The following OSBPL8 variants were observed in gnomAD, a reference collection of about 807,000 sequenced individuals.
OSBPL8 encodes the protein oxysterol-binding protein-related protein 8.
OSBPL8 carries 59 observed loss-of-function variants against 125.5 expected under a neutral mutation model. That is an observed-to-expected ratio of 0.47 (90% confidence interval 0.38 to 0.58). The LOEUF is 0.58. Among genes scored for constraint, OSBPL8 ranks in the 20% least tolerant of loss-of-function variants. OSBPL8 has a pLI of 0.00. For synonymous variants in OSBPL8, 330 were observed against 338.9 expected, an observed-to-expected ratio of 0.97 and a Z score of 0.29; for missense variants, 758 against 1,047.8, an observed-to-expected ratio of 0.72 and a Z score of 3.82.
intron 1 of OSBPL8, among the ~76,000 whole-genome samples, chr12:76,497,419 A>G (rs17042320): frequency 0.045 from 6,842 of 152,276 alleles, 551 homozygotes; most frequent in African/African-American, 0.16. Flanking sequence ...CATCGCGTGT[A>G]AATAGCACAA....
At chr12:76,498,497 T>C (rs1879518472) in intron 1 of OSBPL8, among the ~76,000 whole-genome samples, 1 of 152,232 alleles carries the variant, frequency 6.6e-6, no homozygotes, top group Non-Finnish European at 1.5e-5. Context: ...TCATTTTTGC[T>C]ACCTGTCCAG....
At chr12:76,548,519 T>C (rs1243526981) in intron 1 of OSBPL8, among the ~76,000 whole-genome samples, 1 of 152,052 alleles carries the variant, frequency 6.6e-6, no homozygotes, top group Non-Finnish European at 1.5e-5. Context: ...ACATTTTACC[T>C]CCAGGCAAAA....
chr12:76,533,020 T>C (rs1950390429), intron 1 of OSBPL8, among the ~76,000 whole-genome samples: 1 of 152,192 alleles, frequency 6.6e-6, no homozygotes, highest in Admixed American at 6.5e-5. Context: ...ATAGGTACTA[T>C]TTAACACATT....
At chr12:76,544,621 G>A (rs1006128400) in intron 1 of OSBPL8, among the ~76,000 whole-genome samples, 9 of 152,088 alleles carry the variant, frequency 5.9e-5, no homozygotes, top group African/African-American at 9.7e-5. Context: ...AATGACGCAT[G>A]CTATAAAGCA....
intron 1 of OSBPL8, among the ~76,000 whole-genome samples, chr12:76,535,439 A>C (rs1470741681): frequency 6.6e-6 from 1 of 152,172 alleles, no homozygotes; most frequent in African/African-American, 2.4e-5. Flanking sequence ...TGTTAATTAA[A>C]TTTTTTTAAC....
Position 76,356,952 on chromosome 12 carries a change from C to G in OSBPL8, c.2435-224G>C, listed in dbSNP as rs139131614. ...TACACATTAGTTGAATTTTGGATGG[C>G]ACCAGTTTTTTTAACTAATTAAAAC... On this transcript the variant is annotated intron_variant, in intron 22 of 23. Transcript: ENST00000261183. Among the ~76,000 whole-genome samples the G allele has an allele frequency of 2.2e-3, 331 of 152,224 alleles. 2 individuals are homozygous for G. Among genetic ancestry groups the G allele is most frequent in the African/African-American group, 7.4e-3 (306 of 41,530 alleles).
intron 5 of OSBPL8, among the ~76,000 whole-genome samples, chr12:76,403,087 C>A (rs1038564440): frequency 1.3e-5 from 2 of 151,638 alleles, no homozygotes; most frequent in African/African-American, 2.4e-5. Flanking sequence ...ACAAAAGTAG[C>A]CAAAGCAATG....
chr12:76,509,644 T>C (rs1008812623), intron 1 of OSBPL8, among the ~76,000 whole-genome samples: 11 of 151,990 alleles, frequency 7.2e-5, no homozygotes, highest in Non-Finnish European at 4.4e-5. Context: ...ACTACCACTA[T>C]AATAGTAAGA....
At chr12:76,551,675 T>C (rs943443076) in intron 1 of OSBPL8, among the ~76,000 whole-genome samples, 11 of 152,174 alleles carry the variant, frequency 7.2e-5, no homozygotes, top group African/African-American at 1.9e-4. Context: ...GGTTTGAATA[T>C]TGGCCCTCAC....
intron 7 of OSBPL8, among the ~76,000 whole-genome samples, chr12:76,398,723 TTCCTTAA>T (rs1394337030): frequency 6.6e-6 from 1 of 152,190 alleles, no homozygotes; most frequent in African/African-American, 2.4e-5. Flanking sequence ...TAATACAGGA[TTCCTTAA>T]TCCCCCAAAT....
rs2136106811 is a variant in OSBPL8 at position 76,354,277 on chromosome 12, T to G, written c.*1612A>C. The G allele has an allele frequency of 6.6e-6, 1 of 152,156 alleles. No homozygotes were observed. Among genetic ancestry groups the G allele is most frequent in the South Asian group, 2.1e-4 (1 of 4,830 alleles). The allele number at this position is 152,156 out of a possible 1,614,324, so 9.4% of individuals were successfully genotyped here. On this transcript the variant is annotated 3_prime_UTR_variant, in exon 24 of 24. Coordinates refer to ENST00000261183, the MANE Select transcript of OSBPL8 (RefSeq NM_020841.5). ...CATCATTTCACATGTACATATGGAA[T>G]ACAGCATTATTTTGCCAAGAAAACA...
chr12:76,358,482 T>C (rs985118041), intron 22 of OSBPL8, among the ~76,000 whole-genome samples: 1 of 152,002 alleles, frequency 6.6e-6, no homozygotes, highest in East Asian at 1.9e-4. Context: ...ACACCCTGCC[T>C]AGAGTGTGGT....
intron 1 of OSBPL8, among the ~76,000 whole-genome samples, chr12:76,502,009 A>G (rs1246431949): frequency 1.6e-4 from 25 of 152,242 alleles, no homozygotes; most frequent in Admixed American, 7.2e-4. Flanking sequence ...ACAGCAATGA[A>G]TCCATGCTCA....
intron 5 of OSBPL8, among the ~76,000 whole-genome samples, chr12:76,410,173 G>C (rs962609179): frequency 1.3e-5 from 2 of 152,106 alleles, no homozygotes; most frequent in Non-Finnish European, 2.9e-5. Flanking sequence ...CTACTGCAAA[G>C]CTCTGGCTTT....
intron 3 of OSBPL8, among the ~76,000 whole-genome samples, chr12:76,455,162 G>A (rs920415134): frequency 6.6e-6 from 1 of 151,816 alleles, no homozygotes; most frequent in African/African-American, 2.4e-5. Flanking sequence ...AGAATGGCGT[G>A]AACCCGGGAG....
chr12:76,503,625 G>GCCTCCTGGGTTCACGCCATCCT (rs1880121478), intron 1 of OSBPL8, among the ~76,000 whole-genome samples: 1 of 152,070 alleles, frequency 6.6e-6, no homozygotes, highest in Non-Finnish European at 1.5e-5. Context: ...TGCAAGCTCC[G>GCCTCCTGGGTTCACGCCATCCT]CCTCCTGGGT....
chr12:76,527,468 A>G (rs568865492), intron 1 of OSBPL8, among the ~76,000 whole-genome samples: 60 of 152,332 alleles, frequency 3.9e-4, no homozygotes, highest in African/African-American at 1.4e-3. Context: ...ATATATCTCC[A>G]ATCTTTTGAT....
At chr12:76,481,949 A>G (rs1454647776) in intron 2 of OSBPL8, among the ~76,000 whole-genome samples, 2 of 152,220 alleles carry the variant, frequency 1.3e-5, no homozygotes, top group African/African-American at 4.8e-5. Context: ...CTTTATGATC[A>G]CCAAATCTAA....
In OSBPL8 at chr12:76,384,350, C is replaced by T; in HGVS notation, c.1534G>A (p.Val512Met). ...NSKTFYIAEQ[V>M]SHHPPISAFY... Reference sequence around the variant, plus strand: ...GCAGATATTGGTGGATGATGGGACACCTATTAAACATAAGAAAAACATGCA... The same window carrying T: ...GCAGATATTGGTGGATGATGGGACATCTATTAAACATAAGAAAAACATGCA... The change falls in exon 15 of 24, where the codon GTG (valine) becomes ATG (methionine). Residue 512 changes from valine to methionine, a missense_variant and splice_region_variant. Transcript: ENST00000261183. The T allele has an allele frequency of 1.4e-6, 2 of 1,476,672 alleles. No individual in the cohort carries two copies. The highest frequency in any genetic ancestry group is 1.8e-6 in the Non-Finnish European group (2 of 1,087,932). The allele number at this position is 1,476,672 out of a possible 1,614,324, so 91.5% of individuals were successfully genotyped here.
Sources: allele counts gnomAD v4.1 joint callset (sites outside exome capture counted in the v4.1 genomes callset), GRCh38; gene constraint gnomAD v4.1.1; transcripts MANE v1.5; gene names NCBI Gene and HGNC (gene_info 2026-07-23, HGNC 2026-07-21).